Variants in SOS1 observed in about 807,000 individuals in gnomAD.
SOS1 encodes the protein son of sevenless homolog 1.
Under a neutral mutation model 157.6 loss-of-function variants are expected in SOS1, and 25 were observed. The ratio of observed to expected loss-of-function variants is 0.16; its 90% CI spans 0.12 to 0.22. The LOEUF (loss-of-function observed/expected upper bound fraction) is 0.22. Ranked by LOEUF, SOS1 falls within the 10% of genes least tolerant of loss-of-function variation. The pLI, the probability that SOS1 is intolerant of heterozygous loss-of-function variation, is 1.00. For missense variants in SOS1, 1,237 were observed against 1,599.1 expected (o/e 0.77, Z 3.86); for synonymous variants, 528 against 534.0 (o/e 0.99, Z 0.16).
chr2:39,051,324 T>A, intron 5 of SOS1, 37 bp from the exon 6 acceptor site: 1 of 1,576,688 alleles, frequency 6.3e-7, no homozygotes, highest in Non-Finnish European at 8.7e-7. Flanking sequence ...AGTGAGGCTG[T>A]ATTATTATAA....
chr2:39,090,180 T>C (rs1004175669), intron 1 of SOS1, among the ~76,000 whole-genome samples: 98 of 149,818 alleles, frequency 6.5e-4, no homozygotes, highest in Non-Finnish European at 1.9e-4. Flanking sequence ...AAACACTAAA[T>C]GCAGACTACT....
In SOS1 at chr2:38,983,975, GA is replaced by G. The variant is rs1397521337; in HGVS notation, c.*1848del. 1 of 152,152 alleles carries G rather than the reference GA, an allele frequency of 6.6e-6. No homozygotes were observed. Among genetic ancestry groups the G allele is most frequent in the Non-Finnish European group, 1.5e-5 (1 of 68,010 alleles). 9.4% of individuals were successfully genotyped at this position (152,152 alleles called of 1,614,324 possible). On this transcript the variant is annotated 3_prime_UTR_variant, in exon 23 of 23. Transcript: ENST00000402219. ...GGATTCAATTCTAACAAATAAATAA[GA>G]AAATAGGATAGACTGCTTAATGATG...
chr2:38,988,958 T>TTTC (rs1553349960), intron 21 of SOS1, among the ~76,000 whole-genome samples: 9 of 151,582 alleles, frequency 5.9e-5, no homozygotes, highest in South Asian at 2.1e-4. Flanking sequence ...TTTTTTTTTT[T>TTTC]CAAAGTTGAG....
rs1363303959 is a variant in SOS1, at chr2:38,984,088, A to AATT, written c.*1733_*1735dup. ...TTATGCTCTAATAAATATCATAGGA[A>AATT]ATTATTAAAGTACTAGGTTCCCACC... On this transcript the variant is annotated 3_prime_UTR_variant, in exon 23 of 23. Coordinates refer to ENST00000402219, the MANE Select transcript of SOS1 (RefSeq NM_005633.4). 1.3e-5 allele frequency: 2 copies of AATT among 152,152 alleles called. No individual in the cohort carries two copies. The highest frequency in any genetic ancestry group is 2.9e-5 in the Non-Finnish European group (2 of 68,030). The allele number at this position is 152,152 out of a possible 1,614,324, so 9.4% of individuals were successfully genotyped here.
chr2:39,002,818 A>C (rs1482410297), intron 17 of SOS1, among the ~76,000 whole-genome samples: 1 of 152,142 alleles, frequency 6.6e-6, no homozygotes, highest in Non-Finnish European at 1.5e-5. Flanking sequence ...TAATCCTAGA[A>C]CTTTGGGAGG....
At chr2:39,055,418 T>A (rs73930401) in intron 4 of SOS1, among the ~76,000 whole-genome samples, 65 of 152,274 alleles carry the variant, frequency 4.3e-4, no homozygotes, top group African/African-American at 1.5e-3. Flanking sequence ...TCATCAACTC[T>A]GGAGCCTTGT....
At chr2:39,003,069 A>AAACAAAACAAAC (rs1669162733) in intron 17 of SOS1, among the ~76,000 whole-genome samples, 2 of 79,188 alleles carry the variant, frequency 2.5e-5, no homozygotes, top group Non-Finnish European at 3.6e-5. Flanking sequence ...CTTGTATCAA[A>AAACAAAACAAAC]AAAAAAAAAG....
chr2:39,080,502 T>C (rs1672164117), intron 1 of SOS1, among the ~76,000 whole-genome samples: 1 of 152,218 alleles, frequency 6.6e-6, no homozygotes, highest in African/African-American at 2.4e-5. Context: ...TGAGGTTATA[T>C]GTACTCTTTT....
intron 17 of SOS1, among the ~76,000 whole-genome samples, chr2:39,000,369 AT>A (rs1669051148): frequency 1.3e-5 from 2 of 152,212 alleles, no homozygotes; most frequent in Non-Finnish European, 1.5e-5. Flanking sequence ...AACATAGCGT[AT>A]ATGTGTGTAT....
At chr2:39,053,915 A>G (rs1270539253) in intron 5 of SOS1, among the ~76,000 whole-genome samples, 1 of 151,962 alleles carries the variant, frequency 6.6e-6, no homozygotes, top group Non-Finnish European at 1.5e-5. Flanking sequence ...ACTAAACTTA[A>G]GGAAAGGAAC....
intron 6 of SOS1, among the ~76,000 whole-genome samples, chr2:39,039,237 T>C (rs955991004): frequency 3.3e-5 from 5 of 152,376 alleles, no homozygotes; most frequent in Admixed American, 6.5e-5. Flanking sequence ...ACTTGCTTTA[T>C]TGTGACATTC....
rs528205206 is a variant in SOS1 at position 39,103,106 on chromosome 2, A to G, written c.87+17230T>C. ...AGAGTACCTAGAAAGAGATTTAACC[A>G]AGGAGGTGAGTTTTACCCTGAAAAC... On this transcript the variant is annotated intron_variant, in intron 1 of 22. Coordinates refer to ENST00000402219, the MANE Select transcript of SOS1 (RefSeq NM_005633.4). 1.6e-4 allele frequency among the ~76,000 whole-genome samples: 24 copies of G among 152,330 alleles called. No individual in the cohort carries two copies. The East Asian group carries it at 1.9e-3, about 12-fold the overall frequency.
intron 1 of SOS1, among the ~76,000 whole-genome samples, chr2:39,100,038 A>C (rs1465783396): frequency 6.6e-6 from 1 of 152,146 alleles, no homozygotes; most frequent in Non-Finnish European, 1.5e-5. Flanking sequence ...TTTCTGAAGA[A>C]GACATACTAA....
chr2:39,097,062 A>G (rs1672792112), intron 1 of SOS1, among the ~76,000 whole-genome samples: 1 of 152,188 alleles, frequency 6.6e-6, no homozygotes, highest in Non-Finnish European at 1.5e-5. Flanking sequence ...GATGATCTAT[A>G]AAATCTCTTT....
At chr2:39,122,872 G>A (rs1187010092), upstream of SOS1, among the ~76,000 whole-genome samples, 1 of 152,000 alleles carries the variant, frequency 6.6e-6, no homozygotes, top group Non-Finnish European at 1.5e-5. Flanking sequence ...AAAGGGTTGT[G>A]ATATGGGGGA....
chr2:38,990,770 A>G (rs1375092050), intron 20 of SOS1, among the ~76,000 whole-genome samples: 2 of 152,188 alleles, frequency 1.3e-5, no homozygotes, highest in African/African-American at 2.4e-5. Flanking sequence ...GTATATTTAT[A>G]TATAGCACAG....
chr2:38,990,330 A>G (rs532743248), intron 20 of SOS1, among the ~76,000 whole-genome samples: 1 of 152,086 alleles, frequency 6.6e-6, no homozygotes, highest in Admixed American at 6.5e-5. Flanking sequence ...GTATGTACTG[A>G]TATTTATTTG....
chr2:39,042,101 CTT>C (rs1670591764), intron 6 of SOS1, among the ~76,000 whole-genome samples: 1 of 152,126 alleles, frequency 6.6e-6, no homozygotes, highest in Non-Finnish European at 1.5e-5. Flanking sequence ...GTACTACACT[CTT>C]GTTTACTCTG....
intron 17 of SOS1, among the ~76,000 whole-genome samples, chr2:39,003,152 C>T (rs1317542327): frequency 2.0e-5 from 3 of 150,780 alleles, no homozygotes; most frequent in Non-Finnish European, 4.4e-5. Context: ...CTCATAAGAT[C>T]AGCAGATAAT....
Sources: gnomAD v4.1 joint callset for allele counts (sites outside exome capture counted in the v4.1 genomes callset) on GRCh38, gnomAD v4.1.1 for gene constraint, MANE v1.5 for transcripts, NCBI Gene and HGNC (gene_info 2026-07-23, HGNC 2026-07-21) for gene names.